Variants in CNBD1 observed in about 807,000 individuals in gnomAD.
The protein encoded by CNBD1 is cyclic nucleotide binding domain containing 1.
CNBD1 carries 71 observed loss-of-function variants against 54.4 expected under a neutral mutation model. The ratio of observed to expected loss-of-function variants is 1.30; its 90% confidence interval spans 1.08 to 1.59. The LOEUF (loss-of-function observed/expected upper bound fraction) is 1.59. Among genes scored for constraint, CNBD1 ranks in the 40% most tolerant of loss-of-function variants. The probability of loss-of-function intolerance (pLI) is 0.00; values close to 1 mark genes in which losing one functional copy is unlikely to be tolerated. For synonymous variants in CNBD1, 182 were observed against 170.7 expected (o/e 1.07, Z -0.51); for missense variants, 659 against 518.0 (o/e 1.27, Z -2.64).
Position 87,242,583 on chromosome 8 carries a change from C to G in CNBD1, c.771+5471C>G, listed in dbSNP as rs560345785. ...AATCCACCTATGACTTAGAAGGCCC[C>G]TCTTCAAGTTGTCCCACCTTTCCAG... On this transcript the variant is annotated intron_variant, in intron 6 of 10. Transcript: ENST00000518476. Among the ~76,000 whole-genome samples the G allele has an allele frequency of 8.5e-5, 13 of 152,312 alleles. No individual in the cohort carries two copies. The South Asian group carries it at 2.7e-3, about 32-fold the overall frequency.
Position 87,351,668 on chromosome 8 carries a change from A to G in CNBD1, c.1043-17A>G, listed in dbSNP as rs1428631013. On this transcript the variant is annotated splice_polypyrimidine_tract_variant and intron_variant, in intron 8 of 10. Coordinates refer to ENST00000518476, the MANE Select transcript of CNBD1 (RefSeq NM_173538.3). The stretch of plus-strand genomic sequence containing the variant: ...AAGACAAGAATGTGTGAAATGAACT[A>G]TCTCTCTTCTTTTCAGTGATAGTGG... The G allele has an allele frequency of 6.8e-7, 1 of 1,475,222 alleles. No individual in the cohort carries two copies. The highest frequency in any genetic ancestry group is 9.0e-7 in the Non-Finnish European group (1 of 1,115,494). The allele number at this position is 1,475,222 out of a possible 1,614,324, so 91.4% of individuals were successfully genotyped here. A position where few individuals can be genotyped will look rare whatever the true frequency, so the allele number is the denominator to read the frequency against.
At chr8:87,139,709 G>A (rs760773572) in intron 4 of CNBD1, among the ~76,000 whole-genome samples, 8 of 152,088 alleles carry the variant, frequency 5.3e-5, no homozygotes, top group Non-Finnish European at 8.8e-5. Flanking sequence ...CCGAAGGACC[G>A]GAAGAAATGG....
chr8:86,966,150 T>C (rs1175506450), intron 4 of CNBD1, among the ~76,000 whole-genome samples: 3 of 152,190 alleles, frequency 2.0e-5, no homozygotes, highest in African/African-American at 7.2e-5. Flanking sequence ...ACCAGCAGTC[T>C]GGCCCCCAGC....
At chr8:86,951,813 A>C (rs959526551) in intron 4 of CNBD1, among the ~76,000 whole-genome samples, 2 of 152,006 alleles carry the variant, frequency 1.3e-5, no homozygotes, top group East Asian at 1.9e-4. Context: ...AAGAAAAAAA[A>C]ATCTTGGGAT....
intron 6 of CNBD1, among the ~76,000 whole-genome samples, chr8:87,276,236 G>A (rs1808477808): frequency 6.6e-6 from 1 of 151,688 alleles, no homozygotes; most frequent in African/African-American, 2.4e-5. Context: ...TTTTTCCTTG[G>A]ATGTTACCAA....
At chr8:86,871,275 C>G (rs566508459) in intron 1 of CNBD1, among the ~76,000 whole-genome samples, 1 of 152,328 alleles carries the variant, frequency 6.6e-6, no homozygotes, top group South Asian at 2.1e-4. Context: ...GGCTACTGCT[C>G]TATCTGCCTA....
At chr8:86,909,057 A>G (rs1809062322) in intron 3 of CNBD1, among the ~76,000 whole-genome samples, 1 of 152,118 alleles carries the variant, frequency 6.6e-6, no homozygotes. Flanking sequence ...CGCGGGGCCA[A>G]GAATTCTTTT....
chr8:86,923,480 T>G (rs1438645129), intron 3 of CNBD1, among the ~76,000 whole-genome samples: 1 of 152,148 alleles, frequency 6.6e-6, no homozygotes, highest in African/African-American at 2.4e-5. Context: ...GAAGCTGGTG[T>G]TAATTGGTCT....
chr8:87,319,760 G>A (rs1298257459), intron 8 of CNBD1, among the ~76,000 whole-genome samples: 1 of 151,956 alleles, frequency 6.6e-6, no homozygotes, highest in East Asian at 1.9e-4. Context: ...AATTAACAGT[G>A]AAAGTAGTAG....
At position 87,343,748 on chromosome 8, in the gene CNBD1, A is replaced by G. The variant is rs746100800; in HGVS notation, c.1043-7937A>G. On this transcript the variant is annotated intron_variant, in intron 8 of 10. Transcript: ENST00000518476. ...TAAAAAATATTAACTTATTGGCAGT[A>G]TAATATATTCTATGGGTTTTCATAA... is the stretch of plus-strand genomic sequence containing the variant. Among the ~76,000 whole-genome samples, 78 of 152,178 alleles carry G rather than the reference A, an allele frequency of 5.1e-4. 1 individual carries two copies. The highest frequency in any genetic ancestry group is 1.2e-3 in the South Asian group (6 of 4,832).
chr8:87,295,728 C>T (rs1268420406), intron 8 of CNBD1, among the ~76,000 whole-genome samples: 5 of 151,944 alleles, frequency 3.3e-5, no homozygotes, highest in Admixed American at 1.3e-4. Flanking sequence ...TATTGTGTCT[C>T]CTGACATTTA....
chr8:87,325,146 GATTT>G (rs1304512470), intron 8 of CNBD1, among the ~76,000 whole-genome samples: 1 of 95,260 alleles, frequency 1.0e-5, no homozygotes, highest in East Asian at 2.1e-4. Flanking sequence ...GTTCTAGTTT[GATTT>G]CACTGTGGTC....
At chr8:87,212,711 T>C (rs1814126152) in intron 5 of CNBD1, among the ~76,000 whole-genome samples, 1 of 152,164 alleles carries the variant, frequency 6.6e-6, no homozygotes, top group Non-Finnish European at 1.5e-5. Flanking sequence ...TTACCAAACA[T>C]GAATCAAGGA....
intron 6 of CNBD1, among the ~76,000 whole-genome samples, chr8:87,280,076 C>T (rs924762328): frequency 2.0e-5 from 3 of 151,572 alleles, no homozygotes; most frequent in Non-Finnish European, 4.4e-5. Flanking sequence ...ACCCATCCCT[C>T]AGACAATGGA....
chr8:87,332,112 C>T (rs1243183594), intron 8 of CNBD1, among the ~76,000 whole-genome samples: 1 of 152,122 alleles, frequency 6.6e-6, no homozygotes, highest in Non-Finnish European at 1.5e-5. Context: ...CTTTGGAAGT[C>T]TGAGGCAGGT....
chr8:87,037,907 T>G (rs1199121635), intron 4 of CNBD1, among the ~76,000 whole-genome samples: 6 of 152,178 alleles, frequency 3.9e-5, no homozygotes, highest in Admixed American at 3.9e-4. Flanking sequence ...TAGGATGAAA[T>G]AGCTGGTTAC....
At chr8:87,227,030 G>A (rs9694719) in intron 5 of CNBD1, among the ~76,000 whole-genome samples, 1,504 of 149,568 alleles carry the variant, frequency 0.01, 25 homozygotes, top group African/African-American at 0.035. Context: ...TTGTTGGTTT[G>A]AAGTCTGTTT....
chr8:87,346,573 G>A (rs1367523276), intron 8 of CNBD1, among the ~76,000 whole-genome samples: 3 of 151,800 alleles, frequency 2.0e-5, no homozygotes, highest in African/African-American at 7.3e-5. Context: ...CACATAGAAA[G>A]TATACATATA....
intron 8 of CNBD1, among the ~76,000 whole-genome samples, chr8:87,351,459 A>T (rs1483437250): frequency 6.6e-6 from 1 of 152,212 alleles, no homozygotes; most frequent in Non-Finnish European, 1.5e-5. Context: ...CTTTACTGCC[A>T]AAGTCTTGTC....
Sources: gnomAD v4.1 joint callset for allele counts (sites outside exome capture counted in the v4.1 genomes callset) on GRCh38, gnomAD v4.1.1 for gene constraint, MANE v1.5 for transcripts, NCBI Gene and HGNC (gene_info 2026-07-23, HGNC 2026-07-21) for gene names.